Variants in TERB1 observed in about 807,000 individuals in gnomAD.
TERB1 encodes telomere repeat binding bouquet formation protein 1, also known as telomere repeats-binding bouquet formation protein 1.
Under a neutral mutation model 92.3 loss-of-function variants are expected in TERB1, and 63 were observed. The observed-to-expected ratio is 0.68, with a 90% confidence interval of 0.56 to 0.84. The LOEUF is 0.84. TERB1 is among the 40% of genes least tolerant of loss of function. The pLI is 0.00. For synonymous variants in TERB1, 252 were observed against 283.9 expected (o/e 0.89, Z 1.13); for missense variants, 709 against 843.7 (o/e 0.84, Z 1.98).
At position 66,755,137 on chromosome 16, in the gene TERB1, T is replaced by G; in HGVS notation, c.2023A>C (p.Thr675Pro). 6.5e-7 allele frequency: 1 copy of G among 1,546,546 alleles called. No homozygotes were observed. Among genetic ancestry groups the G allele is most frequent in the Non-Finnish European group, 8.7e-7 (1 of 1,143,098 alleles). The change falls in exon 19 of 19, where the codon ACT becomes CCT. Residue 675 changes from threonine to proline, a missense_variant. Coordinates refer to ENST00000433154, the MANE Select transcript of TERB1 (RefSeq NM_001136505.2). The part of the protein sequence containing the change: ...IKKRRIRKNF[T>P]EEEVNYLFNG... ...AAAAGGTAATTTACTTCTTCTTCAG[T>G]AAAGTTTTTGCGAATTCTTCTTTTT...
At chr16:66,781,649 AGCTGGGACTACAG>A (rs1296497843) in intron 9 of TERB1, among the ~76,000 whole-genome samples, 1 of 150,634 alleles carries the variant, frequency 6.6e-6, no homozygotes, top group Non-Finnish European at 1.5e-5. Flanking sequence ...CCTCTTGAGT[AGCTGGGACTACAG>A]GCGCCCACCA....
At chr16:66,780,620 T>C (rs2018620708) in intron 9 of TERB1, among the ~76,000 whole-genome samples, 1 of 151,580 alleles carries the variant, frequency 6.6e-6, no homozygotes, top group African/African-American at 2.4e-5. Flanking sequence ...AATGGCAGTG[T>C]GTTACCACAG....
intron 5 of TERB1, among the ~76,000 whole-genome samples, chr16:66,790,336 GAAAA>G (rs1390274723): frequency 4.5e-5 from 6 of 134,026 alleles, no homozygotes; most frequent in African/African-American, 1.7e-4. Context: ...GAAGGGAAGA[GAAAA>G]GAAAGAAAGA....
intron 9 of TERB1, among the ~76,000 whole-genome samples, 154 bp from the exon 10 acceptor site, chr16:66,779,169 C>T (rs1029545293): frequency 5.5e-4 from 84 of 152,202 alleles, no homozygotes; most frequent in African/African-American, 2.0e-3. Context: ...TTTACCTGTG[C>T]ATATAATCAT....
chr16:66,789,236 T>A (rs2018780098), intron 5 of TERB1, among the ~76,000 whole-genome samples: 1 of 151,952 alleles, frequency 6.6e-6, no homozygotes, highest in Non-Finnish European at 1.5e-5. Flanking sequence ...AAACATCTCA[T>A]GTACCCTATA....
intron 15 of TERB1, 62 bp downstream of exon 15, chr16:66,768,042 G>T: frequency 7.7e-7 from 1 of 1,305,964 alleles, no homozygotes; most frequent in Non-Finnish European, 1.1e-6. Flanking sequence ...TGCATTTTTA[G>T]CTATATTGGT....
chr16:66,759,941 T>G (rs377098227), intron 16 of TERB1, among the ~76,000 whole-genome samples: 1 of 148,698 alleles, frequency 6.7e-6, no homozygotes, highest in South Asian at 2.3e-4. Flanking sequence ...GAGACCAGCC[T>G]GGCCAATATG....
At chr16:66,760,677 T>G (rs1030048698) in intron 16 of TERB1, among the ~76,000 whole-genome samples, 3 of 123,482 alleles carry the variant, frequency 2.4e-5, no homozygotes, top group Non-Finnish European at 5.0e-5. Flanking sequence ...TCCCAGCTAC[T>G]TGGGAGGCTG....
At chr16:66,774,974 G>A in intron 12 of TERB1, 144 bp downstream of exon 12, 2 of 802,818 alleles carry the variant, frequency 2.5e-6, no homozygotes, top group Non-Finnish European at 3.8e-6. Context: ...TGGGATTACA[G>A]GCATGAGCCA....
Position 66,785,832 on chromosome 16 carries a change from T to G in TERB1, c.654A>C (p.Ile218=). 1 of 1,548,776 alleles carries G rather than the reference T, an allele frequency of 6.5e-7. No individual in the cohort carries two copies. The highest frequency in any genetic ancestry group is 2.5e-5 in the East Asian group (1 of 40,808). ...CAATAAATGAGCAAATAGGGCGAAT[T>G]ATCTCAGGTGTCGTGCAATTTTTTA... is the stretch of plus-strand genomic sequence containing the variant. The part of the protein sequence containing the change: ...EWLKNCTTPE[I]IRPICSFIGL... The change falls in exon 9 of 19, where the codon ATA becomes ATC. Residue 218 remains isoleucine (I), a synonymous_variant. Transcript: ENST00000433154.
intron 10 of TERB1, among the ~76,000 whole-genome samples, chr16:66,777,734 C>T (rs363160): frequency 0.51 from 77,039 of 152,042 alleles, 20,395 homozygotes; most frequent in African/African-American, 0.64. Context: ...GACTTTCCTA[C>T]ATAATCAGTT....
chr16:66,777,331 G>T lies in TERB1; in HGVS notation c.857C>A (p.Thr286Asn), dbSNP rs1048122720. The T allele has an allele frequency of 6.5e-7, 1 of 1,529,314 alleles. No homozygotes were observed. Among genetic ancestry groups the T allele is most frequent in the African/African-American group, 1.4e-5 (1 of 72,430 alleles). 94.7% of individuals were successfully genotyped at this position (1,529,314 alleles called of 1,614,324 possible). A position where few individuals can be genotyped will look rare whatever the true frequency, so the allele number is the denominator to read the frequency against. Reference protein sequence around the residue: ...TVDACIADNPTFGIVLSKYHI... With the variant: ...TVDACIADNPNFGIVLSKYHI... ...GTACTTGGAGAGTACTATCCCAAAA[G>T]TAGCTATTAGTATAAAATAGGAAAA... is the stretch of plus-strand genomic sequence containing the variant. The change falls in exon 11 of 19, where the codon ACT (threonine) becomes AAT (asparagine). Residue 286 changes from threonine to asparagine, a missense_variant. Physicochemically the swap from Thr to Asn is moderately conservative, Grantham distance 65. Coordinates refer to ENST00000433154, the MANE Select transcript of TERB1 (RefSeq NM_001136505.2).
At chr16:66,781,055 T>C (rs1372454130) in intron 9 of TERB1, among the ~76,000 whole-genome samples, 1 of 152,186 alleles carries the variant, frequency 6.6e-6, no homozygotes, top group Non-Finnish European at 1.5e-5. Context: ...TCTTGAGCAT[T>C]TTTTTCCTGA....
At chr16:66,762,206 C>T (rs1227329246) in intron 16 of TERB1, among the ~76,000 whole-genome samples, 1 of 152,190 alleles carries the variant, frequency 6.6e-6, no homozygotes, top group Non-Finnish European at 1.5e-5. Flanking sequence ...TCCCATATAT[C>T]TATCACCCAG....
At chr16:66,763,934 C>T (rs1165068535) in intron 16 of TERB1, among the ~76,000 whole-genome samples, 1 of 152,072 alleles carries the variant, frequency 6.6e-6, no homozygotes, top group Non-Finnish European at 1.5e-5. Context: ...TGCAAAACCA[C>T]TGAAGTGTGA....
At chr16:66,779,121 T>C (rs2018595495) in intron 9 of TERB1, 106 bp from the exon 10 acceptor site, 8 of 847,934 alleles carry the variant, frequency 9.4e-6, no homozygotes, top group Non-Finnish European at 1.3e-5. Flanking sequence ...TCAAATACTT[T>C]CTAAAAATCC....
rs997066597 is a variant in TERB1 at position 66,770,055 on chromosome 16, C to T, written c.1527G>A (p.Glu509=). The change falls in exon 14 of 19, where the codon GAG becomes GAA. Residue 509 remains glutamate, a synonymous_variant. Coordinates refer to ENST00000433154, the MANE Select transcript of TERB1 (RefSeq NM_001136505.2). ...TGGCTTTATATAAAGTCTTATTTTG[C>T]TCACTCTCCCTGTAACAAGCATGGA... The part of the protein sequence containing the change: ...NPVHACYRES[E]QNKTLYKAKS... 2.1e-5 allele frequency: 32 copies of T among 1,551,646 alleles called. No homozygotes were observed. The highest frequency in any genetic ancestry group is 2.8e-5 in the Non-Finnish European group (32 of 1,147,014).
chr16:66,770,269 G>C lies in TERB1; in HGVS notation c.1313C>G (p.Ser438Cys). 1 of 1,550,480 alleles carries C rather than the reference G, an allele frequency of 6.4e-7. No individual in the cohort carries two copies. Among genetic ancestry groups the C allele is most frequent in the Non-Finnish European group, 8.7e-7 (1 of 1,146,242 alleles). ...TGTATTCTGAATACTTATGTTCATA[G>C]ATGAAATATTATCCTGATAGTTTTC... ...QRENYQDNIS[S>C]MNISIQNTWK... is the part of the protein sequence containing the mutation. Residue 438 changes from serine to cysteine, a missense_variant, in exon 14 of 19, where the codon TCT becomes TGT. Ser to Cys is a moderately radical substitution (Grantham distance 112). Transcript: ENST00000433154.
chr16:66,771,471 G>A (rs927529700), intron 13 of TERB1, among the ~76,000 whole-genome samples: 2 of 152,142 alleles, frequency 1.3e-5, no homozygotes, highest in African/African-American at 2.4e-5. Context: ...AGCACAAAGA[G>A]ATTAAATAAC....
Sources: allele counts gnomAD v4.1 joint callset (sites outside exome capture counted in the v4.1 genomes callset), GRCh38; gene constraint gnomAD v4.1.1; transcripts MANE v1.5; gene names NCBI Gene and HGNC (gene_info 2026-07-23, HGNC 2026-07-21).